ATP5MF: variants seen among roughly 807,000 people sequenced by gnomAD.
ATP5MF encodes ATP synthase membrane subunit f, also known as ATP synthase F(0) complex subunit f, mitochondrial.
ATP5MF carries 10 observed loss-of-function variants against 13.8 expected under a neutral mutation model. The ratio of observed to expected loss-of-function variants is 0.72; its 90% CI spans 0.45 to 1.23. The LOEUF is 1.23. Ranked by LOEUF, ATP5MF falls within the 50% of genes most tolerant of loss-of-function variation. ATP5MF has a pLI of 0.00. For missense variants in ATP5MF, 122 were observed against 118.2 expected (o/e 1.03, Z -0.15); for synonymous variants, 40 against 45.8 (o/e 0.87, Z 0.51).
chr7:99,459,490 C>T (rs1008070325), intron 2 of ATP5MF, among the ~76,000 whole-genome samples: 2 of 152,214 alleles, frequency 1.3e-5, no homozygotes, highest in African/African-American at 4.8e-5. Context: ...ACTAGGCCTA[C>T]CTGGATTCCA....
At position 99,460,210 on chromosome 7, in the gene ATP5MF, A is replaced by AG. The variant is rs1348785884; in HGVS notation, c.32-18dup. 1 of 1,612,944 alleles carries AG rather than the reference A, an allele frequency of 6.2e-7. No homozygotes were observed. The highest frequency in any genetic ancestry group is 1.7e-5 in the Admixed American group (1 of 59,682). On this transcript the variant is annotated splice_polypyrimidine_tract_variant and intron_variant, in intron 1 of 3. Transcript: ENST00000292475. ...TCACTGGTACTGAAACGGAAGAGTGAGAAAAAATACCCACTGAATAATCTC... is the reference window on the plus strand; with the variant it reads ...TCACTGGTACTGAAACGGAAGAGTGAGGAAAAAATACCCACTGAATAATCTC...
chr7:99,462,288 TAA>T (rs755455949), intron 1 of ATP5MF, among the ~76,000 whole-genome samples: 145 of 30,894 alleles, frequency 4.7e-3, no homozygotes, highest in African/African-American at 0.016. Flanking sequence ...CCATCACTAC[TAA>T]AAAAAAAAAA....
At chr7:99,461,728 G>A (rs772538289) in intron 1 of ATP5MF, among the ~76,000 whole-genome samples, 6 of 151,288 alleles carry the variant, frequency 4.0e-5, no homozygotes, top group Non-Finnish European at 5.9e-5. Context: ...GCATGATCTC[G>A]GCTCACTGCA....
intron 1 of ATP5MF, among the ~76,000 whole-genome samples, chr7:99,465,033 AT>A (rs141534915): frequency 0.033 from 5,078 of 152,004 alleles, 100 homozygotes; most frequent in Admixed American, 0.047. Flanking sequence ...GCCGAGGTAC[AT>A]GGATCACCTG....
At chr7:99,465,188 G>C (rs1004455492) in intron 1 of ATP5MF, among the ~76,000 whole-genome samples, 5 of 151,382 alleles carry the variant, frequency 3.3e-5, no homozygotes, top group Non-Finnish European at 7.4e-5. Flanking sequence ...GAACCCAGGA[G>C]GCAAAGGTTA....
At chr7:99,460,751 C>T (rs557524374) in intron 1 of ATP5MF, among the ~76,000 whole-genome samples, 10 of 152,210 alleles carry the variant, frequency 6.6e-5, no homozygotes, top group African/African-American at 1.9e-4. Flanking sequence ...GGAAGGAGAG[C>T]GGTGTGACGG....
intron 1 of ATP5MF, among the ~76,000 whole-genome samples, 190 bp downstream of exon 1, chr7:99,465,921 T>G (rs1798852125): frequency 6.6e-6 from 1 of 152,302 alleles, no homozygotes; most frequent in East Asian, 1.9e-4. Context: ...CCTAACCCGG[T>G]TGGCGCAGGC....
At chr7:99,465,076 G>A (rs1198201583) in intron 1 of ATP5MF, among the ~76,000 whole-genome samples, 2 of 151,868 alleles carry the variant, frequency 1.3e-5, no homozygotes, top group East Asian at 1.9e-4. Flanking sequence ...CCTGGCCAAC[G>A]TGGTGAAAGC....
At chr7:99,458,758 T>G (rs1798455797) in intron 3 of ATP5MF, among the ~76,000 whole-genome samples, 1 of 151,542 alleles carries the variant, frequency 6.6e-6, no homozygotes, top group South Asian at 2.1e-4. Flanking sequence ...CCAGACAAGC[T>G]CCTCTCAAGC....
At chr7:99,462,090 C>A (rs1045438330) in intron 1 of ATP5MF, among the ~76,000 whole-genome samples, 1 of 151,934 alleles carries the variant, frequency 6.6e-6, no homozygotes, top group African/African-American at 2.4e-5. Context: ...AAAAAGGCAA[C>A]AATTTACAAC....
chr7:99,464,277 G>A (rs566338955), intron 1 of ATP5MF, among the ~76,000 whole-genome samples: 4 of 152,336 alleles, frequency 2.6e-5, no homozygotes, highest in South Asian at 2.1e-4. Context: ...CGTGTACGAC[G>A]AATGCTATTA....
At chr7:99,463,742 C>T (rs1798718927) in intron 1 of ATP5MF, among the ~76,000 whole-genome samples, 1 of 152,080 alleles carries the variant, frequency 6.6e-6, no homozygotes, top group Non-Finnish European at 1.5e-5. Context: ...TGCTATTGCA[C>T]TGCAGCCTGG....
chr7:99,459,574 T>G (rs552925871), intron 2 of ATP5MF: 1 of 309,890 alleles, frequency 3.2e-6, no homozygotes, highest in Non-Finnish European at 6.1e-6. Context: ...CACAGCCAGC[T>G]AATTTTTCTT....
At chr7:99,465,887 C>A (rs935264730) in intron 1 of ATP5MF, among the ~76,000 whole-genome samples, 1 of 152,220 alleles carries the variant, frequency 6.6e-6, no homozygotes, top group Non-Finnish European at 1.5e-5. Flanking sequence ...GAAGCGCGTG[C>A]CCCAGATGCC....
At chr7:99,459,337 G>A in intron 2 of ATP5MF, 74 bp from the exon 3 acceptor site, 1 of 1,135,950 alleles carries the variant, frequency 8.8e-7, no homozygotes, top group Admixed American at 1.7e-5. Flanking sequence ...AGTTGAGTCT[G>A]GCTGACATTC....
At chr7:99,465,219 A>G (rs1798811494) in intron 1 of ATP5MF, among the ~76,000 whole-genome samples, 1 of 152,048 alleles carries the variant, frequency 6.6e-6, no homozygotes, top group Non-Finnish European at 1.5e-5. Flanking sequence ...AGATCACACC[A>G]TTGCACTCCA....
chr7:99,460,633 C>A, intron 1 of ATP5MF: 3 of 443,968 alleles, frequency 6.8e-6, no homozygotes, highest in Non-Finnish European at 1.4e-5. Flanking sequence ...CAAAGTCACA[C>A]ACACAACGTG....
chr7:99,460,386 C>T, intron 1 of ATP5MF, 193 bp from the exon 2 acceptor site: 1 of 732,628 alleles, frequency 1.4e-6, no homozygotes, highest in Non-Finnish European at 2.4e-6. Flanking sequence ...TATACAATAG[C>T]AGAACTGCTG....
chr7:99,458,595 G>T (rs934086888), intron 3 of ATP5MF, among the ~76,000 whole-genome samples: 1 of 152,064 alleles, frequency 6.6e-6, no homozygotes, highest in Non-Finnish European at 1.5e-5. Context: ...GGGAACACAC[G>T]CTCAGACAAA....
Sources: allele counts gnomAD v4.1 joint callset (sites outside exome capture counted in the v4.1 genomes callset), GRCh38; gene constraint gnomAD v4.1.1; transcripts MANE v1.5; gene names NCBI Gene and HGNC (gene_info 2026-07-23, HGNC 2026-07-21).